The following FHIT variants were observed in gnomAD, a reference collection of about 807,000 sequenced individuals.
FHIT encodes fragile histidine triad diadenosine triphosphatase.
In FHIT, 19 loss-of-function variants were observed where a neutral mutation model predicts 17.9. The observed-to-expected ratio is 1.06, with a 90% CI of 0.74 to 1.56. The LOEUF is 1.56. Ranked by LOEUF, FHIT falls within the 40% of genes most tolerant of loss-of-function variation. FHIT has a pLI of 0.00. For missense variants in FHIT, 248 were observed against 189.2 expected (o/e 1.31, Z -1.82); for synonymous variants, 81 against 69.7 (o/e 1.16, Z -0.81).
Position 60,677,922 on chromosome 3 carries a change from A to G in FHIT, c.-17-140943T>C, listed in dbSNP as rs372224857. 4.6e-5 allele frequency among the ~76,000 whole-genome samples: 7 copies of G among 152,182 alleles called. No individual in the cohort carries two copies. In the South Asian group the frequency reaches 6.2e-4, roughly 14 times the overall value. Reference sequence around the variant, plus strand: ...GTCATATGTTTACAAGAATTTGTCAATTTCCTCTACATTATCTAGATTGTG... The same window carrying G: ...GTCATATGTTTACAAGAATTTGTCAGTTTCCTCTACATTATCTAGATTGTG... On this transcript the variant is annotated intron_variant, in intron 4 of 9. Coordinates refer to ENST00000492590, the MANE Select transcript of FHIT (RefSeq NM_002012.4).
intron 8 of FHIT, among the ~76,000 whole-genome samples, chr3:59,791,498 C>T (rs1159938852): frequency 6.6e-6 from 1 of 152,162 alleles, no homozygotes; most frequent in Non-Finnish European, 1.5e-5. Flanking sequence ...CCTGAATCAA[C>T]AATACTATTA....
chr3:61,080,497 T>G (rs1421254441), intron 2 of FHIT, among the ~76,000 whole-genome samples: 2 of 152,278 alleles, frequency 1.3e-5, no homozygotes, highest in African/African-American at 2.4e-5. Context: ...GAAAATCAAT[T>G]ACTATTTTTA....
intron 5 of FHIT, among the ~76,000 whole-genome samples, chr3:60,249,021 G>C (rs998511769): frequency 6.6e-6 from 1 of 152,070 alleles, no homozygotes; most frequent in African/African-American, 2.4e-5. Flanking sequence ...TCAGTCAATC[G>C]AATATAAAAG....
At chr3:60,297,236 C>T (rs946459945) in intron 5 of FHIT, among the ~76,000 whole-genome samples, 1 of 152,052 alleles carries the variant, frequency 6.6e-6, no homozygotes, top group South Asian at 2.1e-4. Context: ...CTTGGGAGAA[C>T]TGACATATTT....
intron 5 of FHIT, among the ~76,000 whole-genome samples, chr3:60,235,325 G>C (rs9879753): frequency 6.6e-6 from 1 of 150,872 alleles, no homozygotes; most frequent in Admixed American, 6.6e-5. Flanking sequence ...CCGCCTCCTG[G>C]GTTCAAATGA....
At chr3:60,408,453 G>A (rs2107216350) in intron 5 of FHIT, among the ~76,000 whole-genome samples, 1 of 152,194 alleles carries the variant, frequency 6.6e-6, no homozygotes, top group African/African-American at 2.4e-5. Flanking sequence ...AAACCCAGTG[G>A]GGCAAGGAAT....
At chr3:60,852,725 G>T (rs1005541945) in intron 3 of FHIT, among the ~76,000 whole-genome samples, 1 of 151,826 alleles carries the variant, frequency 6.6e-6, no homozygotes, top group Non-Finnish European at 1.5e-5. Context: ...AGGCAGTCTT[G>T]AAAAAAAGAA....
chr3:60,521,350 C>A (rs1186670387), intron 5 of FHIT, among the ~76,000 whole-genome samples: 1 of 152,136 alleles, frequency 6.6e-6, no homozygotes, highest in Non-Finnish European at 1.5e-5. Context: ...CAGATTCACG[C>A]CATTCTCCTG....
At chr3:59,906,402 T>A (rs1355574668) in intron 8 of FHIT, among the ~76,000 whole-genome samples, 1 of 152,220 alleles carries the variant, frequency 6.6e-6, no homozygotes, top group Non-Finnish European at 1.5e-5. Flanking sequence ...AAAATTTCCC[T>A]CATTAGGAAG....
intron 5 of FHIT, among the ~76,000 whole-genome samples, chr3:60,476,685 A>T (rs1576723444): frequency 6.6e-6 from 1 of 152,230 alleles, no homozygotes; most frequent in Middle Eastern, 3.4e-3. Context: ...AGGGAGCGAG[A>T]CACACCTGAC....
chr3:60,892,519 G>C (rs1705572202), intron 3 of FHIT, among the ~76,000 whole-genome samples: 1 of 152,152 alleles, frequency 6.6e-6, no homozygotes, highest in Non-Finnish European at 1.5e-5. Context: ...ATGTATATTA[G>C]ACGTCTATAA....
intron 4 of FHIT, among the ~76,000 whole-genome samples, chr3:60,600,170 A>G (rs2038396622): frequency 1.3e-5 from 2 of 152,080 alleles, no homozygotes; most frequent in Non-Finnish European, 2.9e-5. Context: ...CCCAATATCC[A>G]CAGATCCATC....
chr3:59,883,847 A>G (rs1703509000), intron 8 of FHIT, among the ~76,000 whole-genome samples: 1 of 152,232 alleles, frequency 6.6e-6, no homozygotes, highest in African/African-American at 2.4e-5. Flanking sequence ...ACAAAGCTTA[A>G]AAGCATATTG....
intron 5 of FHIT, among the ~76,000 whole-genome samples, chr3:60,328,389 G>A (rs1477931886): frequency 6.6e-6 from 1 of 152,220 alleles, no homozygotes; most frequent in Non-Finnish European, 1.5e-5. Context: ...CCACATGGCT[G>A]GAGAGGCCTT....
At chr3:60,993,894 A>G (rs1559894658) in intron 3 of FHIT, among the ~76,000 whole-genome samples, 1 of 152,168 alleles carries the variant, frequency 6.6e-6, no homozygotes, top group Non-Finnish European at 1.5e-5. Flanking sequence ...CTAATGATAT[A>G]CACCTGGGCT....
intron 2 of FHIT, among the ~76,000 whole-genome samples, chr3:61,186,398 C>A (rs76128356): frequency 0.098 from 14,844 of 152,166 alleles, 778 homozygotes; most frequent in Non-Finnish European, 0.11. Context: ...GGGCGCCTGA[C>A]CTACATCAAA....
At chr3:60,866,382 G>C (rs1704160271) in intron 3 of FHIT, among the ~76,000 whole-genome samples, 1 of 152,078 alleles carries the variant, frequency 6.6e-6, no homozygotes, top group Non-Finnish European at 1.5e-5. Flanking sequence ...TCTCTCTCTT[G>C]AGTGGCTGTC....
At chr3:61,210,902 C>A (rs1250814426) in intron 1 of FHIT, among the ~76,000 whole-genome samples, 5 of 152,006 alleles carry the variant, frequency 3.3e-5, no homozygotes, top group South Asian at 2.1e-4. Context: ...GTCGCTCACA[C>A]TGGGAGCTGT....
At chr3:61,167,171 G>A (rs1284223536) in intron 2 of FHIT, 2 of 151,984 alleles carry the variant, frequency 1.3e-5, no homozygotes, top group African/African-American at 4.8e-5. Flanking sequence ...ATGAGAATTC[G>A]ATACAGGATT....
Sources: allele counts gnomAD v4.1 joint callset (sites outside exome capture counted in the v4.1 genomes callset), GRCh38; gene constraint gnomAD v4.1.1; transcripts MANE v1.5; gene names NCBI Gene and HGNC (gene_info 2026-07-23, HGNC 2026-07-21).